LINGO1: variants seen among roughly 807,000 people sequenced by gnomAD.
LINGO1 encodes leucine-rich repeat and immunoglobulin-like domain-containing nogo receptor-interacting protein 1.
Under a neutral mutation model 37.3 loss-of-function variants are expected in LINGO1, and 11 were observed. The ratio of observed to expected loss-of-function variants is 0.29; its 90% CI spans 0.19 to 0.49. The LOEUF (loss-of-function observed/expected upper bound fraction) is 0.49. Ranked by LOEUF, LINGO1 falls within the 20% of genes least tolerant of loss-of-function variation. LINGO1 has a pLI of 0.99. For missense variants in LINGO1, 585 were observed against 878.2 expected (o/e 0.67, Z 4.22); for synonymous variants, 387 against 403.0 (o/e 0.96, Z 0.48).
At chr15:77,819,260 G>C (rs960351992) in intron 1 of LINGO1, 2 of 149,480 alleles carry the variant, frequency 1.3e-5, no homozygotes, top group African/African-American at 4.9e-5. Flanking sequence ...TCCCGGCCCG[G>C]CCACACTCAC....
intron 2 of LINGO1, among the ~76,000 whole-genome samples, chr15:77,732,750 C>G (rs1246554039): frequency 6.6e-6 from 1 of 152,252 alleles, no homozygotes; most frequent in Non-Finnish European, 1.5e-5. Context: ...CGGACAGATG[C>G]CGTTGTTGTA....
In LINGO1 at chr15:77,746,114, A is replaced by G. The variant is rs572388007; in HGVS notation, c.-256-11061T>C. Among the ~76,000 whole-genome samples, 4 of 151,422 alleles carry G rather than the reference A, an allele frequency of 2.6e-5. No individual in the cohort carries two copies. The East Asian group carries it at 7.8e-4, about 30-fold the overall frequency. ...TCCCAGCTACACAGGAGACTGAGGC[A>G]GGAGGATCACTTGAGCCTAGGAAGT... On this transcript the variant is annotated intron_variant, in intron 1 of 3. Coordinates refer to the LINGO1 transcript ENST00000561686.
intron 3 of LINGO1, among the ~76,000 whole-genome samples, chr15:77,669,901 T>C (rs116185784): frequency 6.6e-6 from 1 of 152,172 alleles, no homozygotes; most frequent in Non-Finnish European, 1.5e-5. Flanking sequence ...TGCACAAATA[T>C]TCATAGCAGC....
chr15:77,756,556 A>T (rs1447738245), intron 1 of LINGO1, among the ~76,000 whole-genome samples: 5 of 152,038 alleles, frequency 3.3e-5, no homozygotes. Context: ...ATACACATAC[A>T]TACCATCAAG....
At chr15:77,699,721 A>AGT (rs1567532188), upstream of LINGO1, among the ~76,000 whole-genome samples, 286 of 2,438 alleles carry the variant, frequency 0.12, 3 homozygotes, top group East Asian at 0.21. Flanking sequence ...TCCCACACAC[A>AGT]ATAAGCACAT....
At chr15:77,790,153 T>A (rs898894118), upstream of LINGO1, among the ~76,000 whole-genome samples, 5 of 152,184 alleles carry the variant, frequency 3.3e-5, no homozygotes, top group African/African-American at 1.2e-4. Flanking sequence ...CAGTTTGTGG[T>A]ACTTAGCTAT....
At chr15:77,700,654 G>C (rs370736495), upstream of LINGO1, among the ~76,000 whole-genome samples, 9 of 152,270 alleles carry the variant, frequency 5.9e-5, no homozygotes, top group African/African-American at 1.9e-4. Context: ...AGTGGTCAAA[G>C]TCTCCGAGTT....
chr15:77,697,316 T>G (rs1224282883), upstream of LINGO1, among the ~76,000 whole-genome samples: 1 of 152,164 alleles, frequency 6.6e-6, no homozygotes, highest in Non-Finnish European at 1.5e-5. Flanking sequence ...TTCTCAGGGC[T>G]CCTATGCCAC....
chr15:77,624,077 C>CTGTG (rs1200399080), intron 1 of LINGO1, among the ~76,000 whole-genome samples: 1 of 134,950 alleles, frequency 7.4e-6, no homozygotes, highest in Non-Finnish European at 1.6e-5. Flanking sequence ...AGTGTGGCCT[C>CTGTG]TGTGTGTGTC....
intron 1 of LINGO1, among the ~76,000 whole-genome samples, chr15:77,629,515 A>G (rs985901342): frequency 8.6e-5 from 13 of 151,680 alleles, no homozygotes; most frequent in South Asian, 4.2e-4. Context: ...GACAACCTCA[A>G]CCCCCAGGGA....
chr15:77,804,082 G>A (rs2076940380), intron 1 of LINGO1, among the ~76,000 whole-genome samples: 1 of 152,124 alleles, frequency 6.6e-6, no homozygotes, highest in African/African-American at 2.4e-5. Flanking sequence ...AGTAAAGCAG[G>A]AGTTCCCAGC....
chr15:77,634,915 G>A (rs1472578064), upstream of LINGO1, among the ~76,000 whole-genome samples: 6 of 152,210 alleles, frequency 3.9e-5, no homozygotes, highest in Non-Finnish European at 5.9e-5. Flanking sequence ...GGGGGCGGGG[G>A]CGGGGGCGAG....
intron 1 of LINGO1, among the ~76,000 whole-genome samples, chr15:77,766,297 C>CA (rs71447163): frequency 0.29 from 14,255 of 49,032 alleles, 1,932 homozygotes; most frequent in East Asian, 0.37. Flanking sequence ...GACCCTGTCT[C>CA]AAAAAAAAAA....
chr15:77,819,312 G>T (rs1041727520), intron 1 of LINGO1: 3 of 150,830 alleles, frequency 2.0e-5, no homozygotes, highest in African/African-American at 4.8e-5. Flanking sequence ...GCTCCGGGCC[G>T]GCATCCCCCG....
At chr15:77,743,587 G>A (rs1011880829) in intron 1 of LINGO1, among the ~76,000 whole-genome samples, 1 of 152,184 alleles carries the variant, frequency 6.6e-6, no homozygotes. Context: ...GAATGATTTT[G>A]CATTTCTCTC....
intron 1 of LINGO1, among the ~76,000 whole-genome samples, chr15:77,798,729 C>T (rs993498207): frequency 5.3e-5 from 8 of 152,242 alleles, no homozygotes; most frequent in Non-Finnish European, 7.3e-5. Context: ...GGTTGGGGGC[C>T]TCCTACCTGC....
At chr15:77,761,495 GT>G (rs2076476776) in intron 1 of LINGO1, among the ~76,000 whole-genome samples, 1 of 152,184 alleles carries the variant, frequency 6.6e-6, no homozygotes. Flanking sequence ...AAAGGGCTGA[GT>G]TGTAATTGTT....
At chr15:77,674,551 C>T (rs6416510) in intron 3 of LINGO1, among the ~76,000 whole-genome samples, 41,521 of 151,706 alleles carry the variant, frequency 0.27, 6,578 homozygotes, top group African/African-American at 0.44. Context: ...TCTGGCCACA[C>T]CAACCAGCCT....
At chr15:77,675,619 G>T (rs1467337118) in intron 3 of LINGO1, among the ~76,000 whole-genome samples, 2 of 152,174 alleles carry the variant, frequency 1.3e-5, no homozygotes, top group African/African-American at 4.8e-5. Context: ...AGTTATCCGT[G>T]TTAGCTCTTG....
Sources: gnomAD v4.1 joint callset for allele counts (sites outside exome capture counted in the v4.1 genomes callset) on GRCh38, gnomAD v4.1.1 for gene constraint, MANE v1.5 for transcripts, NCBI Gene and HGNC (gene_info 2026-07-23, HGNC 2026-07-21) for gene names.